SDK1: variants seen among roughly 807,000 people sequenced by gnomAD.
SDK1 encodes the protein sidekick cell adhesion molecule 1.
In SDK1, 157 loss-of-function variants were observed where a neutral mutation model predicts 245.5. That is an observed-to-expected ratio of 0.64 (90% CI 0.56 to 0.73). SDK1 has a LOEUF of 0.73. SDK1 is among the 30% of genes least tolerant of loss of function. The pLI is 0.00. For synonymous variants in SDK1, 1,647 were observed against 1,278.5 expected, an observed-to-expected ratio of 1.29 and a Z score of -6.15; for missense variants, 3,583 against 3,002.3, an observed-to-expected ratio of 1.19 and a Z score of -4.52.
At chr7:3,794,799 C>T (rs1778921815) in intron 4 of SDK1, among the ~76,000 whole-genome samples, 1 of 152,176 alleles carries the variant, frequency 6.6e-6, no homozygotes, top group African/African-American at 2.4e-5. Context: ...CATCCATGCT[C>T]TACGTGGACA....
intron 5 of SDK1, among the ~76,000 whole-genome samples, chr7:3,822,599 G>C (rs750907075): frequency 7.2e-5 from 11 of 151,908 alleles, no homozygotes; most frequent in Non-Finnish European, 1.5e-4. Flanking sequence ...GTGAAACCCT[G>C]TCTCTACAAA....
chr7:3,573,870 A>T (rs1481626837), intron 1 of SDK1, among the ~76,000 whole-genome samples: 2 of 152,032 alleles, frequency 1.3e-5, no homozygotes, highest in Non-Finnish European at 2.9e-5. Flanking sequence ...TAAAAAATAA[A>T]TAAATAAACT....
intron 4 of SDK1, among the ~76,000 whole-genome samples, chr7:3,735,389 A>G (rs1488747706): frequency 6.6e-6 from 1 of 152,152 alleles, no homozygotes; most frequent in Non-Finnish European, 1.5e-5. Context: ...TGACTACTCT[A>G]GGTACCTCAT....
intron 35 of SDK1, among the ~76,000 whole-genome samples, chr7:4,179,507 G>T (rs766844909): frequency 1.3e-5 from 2 of 152,188 alleles, no homozygotes; most frequent in Non-Finnish European, 2.9e-5. Context: ...AGCACCAAGG[G>T]TCAAGCCCAG....
At position 4,220,079 on chromosome 7, in the gene SDK1, C is replaced by T. The variant is rs747181720; in HGVS notation, c.5540-30C>T. 10 of 1,607,266 alleles carry T rather than the reference C, an allele frequency of 6.2e-6. No individual in the cohort carries two copies. In the East Asian group the frequency reaches 2.0e-4, roughly 32 times the overall value. The stretch of plus-strand genomic sequence containing the variant: ...ACAGTTGCTTCTCCAGGCTGAACCC[C>T]CTTGTTTCCTTTGCTTCTGGCGGCT... On this transcript the variant is annotated intron_variant, in intron 38 of 44. Coordinates refer to ENST00000404826, the MANE Select transcript of SDK1 (RefSeq NM_152744.4).
At chr7:3,650,255 G>A (rs1376762842) in intron 4 of SDK1, among the ~76,000 whole-genome samples, 1 of 152,098 alleles carries the variant, frequency 6.6e-6, no homozygotes, top group Non-Finnish European at 1.5e-5. Flanking sequence ...ATAGTTAGTG[G>A]CACTAAGTCC....
intron 27 of SDK1, chr7:4,130,629 C>T (rs983006851): frequency 6.6e-6 from 1 of 152,496 alleles, no homozygotes; most frequent in Non-Finnish European, 1.5e-5. Flanking sequence ...CTGGATGGCC[C>T]AGGGTCCCCA....
chr7:3,537,449 C>T (rs928976493), intron 1 of SDK1, among the ~76,000 whole-genome samples: 9 of 152,270 alleles, frequency 5.9e-5, no homozygotes, highest in South Asian at 2.1e-4. Context: ...ACTGGAAATC[C>T]GCTTGCTGGG....
chr7:3,921,704 G>A (rs935660326), intron 5 of SDK1, among the ~76,000 whole-genome samples: 1 of 152,142 alleles, frequency 6.6e-6, no homozygotes, highest in African/African-American at 2.4e-5. Context: ...GGTGGCTCAT[G>A]CCTGTAATCC....
intron 28 of SDK1, among the ~76,000 whole-genome samples, chr7:4,138,309 G>T (rs547320882): frequency 6.6e-6 from 1 of 152,164 alleles, no homozygotes; most frequent in Non-Finnish European, 1.5e-5. Flanking sequence ...GCACTGCCAC[G>T]CAGTGCACTA....
chr7:3,472,960 A>T (rs983812238), intron 1 of SDK1, among the ~76,000 whole-genome samples: 1 of 152,200 alleles, frequency 6.6e-6, no homozygotes, highest in African/African-American at 2.4e-5. Context: ...CACACAGACC[A>T]GTGGTCTGCT....
At chr7:3,719,836 G>T (rs1483822732) in intron 4 of SDK1, among the ~76,000 whole-genome samples, 1 of 152,004 alleles carries the variant, frequency 6.6e-6, no homozygotes, top group Non-Finnish European at 1.5e-5. Context: ...AATTAGCTGG[G>T]TGTGGTGGTG....
chr7:3,814,427 A>G (rs1779458779), intron 4 of SDK1, among the ~76,000 whole-genome samples: 1 of 151,120 alleles, frequency 6.6e-6, no homozygotes, highest in South Asian at 2.1e-4. Flanking sequence ...AGTTGTAGGT[A>G]TGCGGCGTTA....
chr7:3,693,659 T>A (rs7808135), intron 4 of SDK1, among the ~76,000 whole-genome samples: 39,444 of 152,102 alleles, frequency 0.26, 8,231 homozygotes, highest in African/African-American at 0.57. Context: ...TGGCTATAAT[T>A]GTTATCTTTC....
At chr7:3,600,551 GT>G (rs368644982) in intron 1 of SDK1, among the ~76,000 whole-genome samples, 2,071 of 108,980 alleles carry the variant, frequency 0.019, 23 homozygotes, top group African/African-American at 0.061. Flanking sequence ...ATTAGATGTA[GT>G]TTTTTTTTTT....
intron 1 of SDK1, among the ~76,000 whole-genome samples, chr7:3,502,195 T>C (rs1283164543): frequency 6.6e-6 from 1 of 151,860 alleles, no homozygotes; most frequent in African/African-American, 2.4e-5. Flanking sequence ...TTAGTAAAAT[T>C]TTTCTTTTTT....
chr7:3,463,938 G>A (rs1780911440), intron 1 of SDK1, among the ~76,000 whole-genome samples: 1 of 152,174 alleles, frequency 6.6e-6, no homozygotes, highest in African/African-American at 2.4e-5. Context: ...TAACCTCAGG[G>A]CTTTTTCTCC....
At chr7:3,769,733 A>G (rs777555934) in intron 4 of SDK1, among the ~76,000 whole-genome samples, 20 of 151,916 alleles carry the variant, frequency 1.3e-4, no homozygotes, top group African/African-American at 1.9e-4. Flanking sequence ...ACTGCCTTCT[A>G]TGGTAGGTTA....
chr7:4,045,300 T>G (rs1455810012), intron 17 of SDK1, among the ~76,000 whole-genome samples: 2 of 152,176 alleles, frequency 1.3e-5, no homozygotes, highest in Admixed American at 6.5e-5. Context: ...TGGAGTGCAG[T>G]GGTGTAATCA....
Sources: allele counts gnomAD v4.1 joint callset (sites outside exome capture counted in the v4.1 genomes callset), GRCh38; gene constraint gnomAD v4.1.1; transcripts MANE v1.5; gene names NCBI Gene and HGNC (gene_info 2026-07-23, HGNC 2026-07-21).